The following TMEM168 variants were observed in gnomAD, a reference collection of about 807,000 sequenced individuals.
TMEM168 encodes the protein transmembrane protein 168.
Under a neutral mutation model 53.2 loss-of-function variants are expected in TMEM168, and 40 were observed. That is an observed-to-expected ratio of 0.75 (90% CI 0.58 to 0.98). TMEM168 has a LOEUF of 0.98. Ranked by LOEUF, TMEM168 falls within the 50% of genes least tolerant of loss-of-function variation. TMEM168 has a pLI of 0.00. For missense variants in TMEM168, 771 were observed against 828.8 expected, an observed-to-expected ratio of 0.93 and a Z score of 0.86; for synonymous variants, 282 against 293.0, an observed-to-expected ratio of 0.96 and a Z score of 0.38.
Position 112,763,529 on chromosome 7 carries a change from G to T in TMEM168, c.*3668C>A, listed in dbSNP as rs2116189155. ...GACAGTCTAATAGTTTCCAATACAG[G>T]AGACATTCGAAAGTACTGACAGATC... is the stretch of plus-strand genomic sequence containing the variant. On this transcript the variant is annotated 3_prime_UTR_variant, in exon 5 of 5. Transcript: ENST00000312814. 1 of 152,146 alleles carries T rather than the reference G, an allele frequency of 6.6e-6. No individual in the cohort carries two copies. Among genetic ancestry groups the T allele is most frequent in the African/African-American group, 2.4e-5 (1 of 41,504 alleles). The allele number at this position is 152,146 out of a possible 1,614,324, so 9.4% of individuals were successfully genotyped here. A position where few individuals can be genotyped will look rare whatever the true frequency, so the allele number is the denominator to read the frequency against.
chr7:112,784,607 A>G lies in TMEM168; in HGVS notation c.219T>C (p.Phe73=), dbSNP rs1385619167. 6.2e-7 allele frequency: 1 copy of G among 1,612,298 alleles called. No individual in the cohort carries two copies. The highest frequency in any genetic ancestry group is 1.3e-5 in the African/African-American group (1 of 74,830). ...LILVIFILGL[F]VLGIASILYY... ...AGAGTATGCTGGCGATTCCAAGAACAAAAAGACCAAGAATAAAAATTACCA... is the reference window on the plus strand; with the variant it reads ...AGAGTATGCTGGCGATTCCAAGAACGAAAAGACCAAGAATAAAAATTACCA... The change falls in exon 2 of 5, where the codon TTT becomes TTC. Residue 73 remains phenylalanine (F), a synonymous_variant. Coordinates refer to ENST00000312814, the MANE Select transcript of TMEM168 (RefSeq NM_022484.6).
At chr7:112,774,053 G>A (rs1450944263) in intron 3 of TMEM168, among the ~76,000 whole-genome samples, 2 of 152,040 alleles carry the variant, frequency 1.3e-5, no homozygotes, top group African/African-American at 4.8e-5. Context: ...AGTCTATTTG[G>A]AGATTTTTAT....
In TMEM168 at chr7:112,766,766, AAAG is replaced by A. The variant is rs1411509717; in HGVS notation, c.*428_*430del. ...TTGGATGAAACCTACTGTTTGGAAA[AAAG>A]AATCTTCTGTAAGTAAACTGGTAGT... On this transcript the variant is annotated 3_prime_UTR_variant, in exon 5 of 5. Coordinates refer to ENST00000312814, the MANE Select transcript of TMEM168 (RefSeq NM_022484.6). The A allele has an allele frequency of 6.4e-6, 1 of 155,188 alleles. No individual in the cohort carries two copies. The highest frequency in any genetic ancestry group is 1.4e-5 in the Non-Finnish European group (1 of 69,904). 9.6% of individuals were successfully genotyped at this position (155,188 alleles called of 1,614,324 possible). A position where few individuals can be genotyped will look rare whatever the true frequency, so the allele number is the denominator to read the frequency against.
chr7:112,782,262 C>G (rs571849804), intron 2 of TMEM168, among the ~76,000 whole-genome samples: 1 of 152,240 alleles, frequency 6.6e-6, no homozygotes, highest in East Asian at 1.9e-4. Context: ...TTAAAATTAT[C>G]TCTGCTGACA....
chr7:112,763,892 C>T lies in TMEM168; in HGVS notation c.*3305G>A, dbSNP rs1252127603. 6.6e-6 allele frequency: 1 copy of T among 151,780 alleles called. No individual in the cohort carries two copies. The highest frequency in any genetic ancestry group is 2.4e-5 in the African/African-American group (1 of 41,340). The allele number at this position is 151,780 out of a possible 1,614,324, so 9.4% of individuals were successfully genotyped here. On this transcript the variant is annotated 3_prime_UTR_variant, in exon 5 of 5. Coordinates refer to ENST00000312814, the MANE Select transcript of TMEM168 (RefSeq NM_022484.6). ...AGCATAACTGGTCATAAGAATAATC[C>T]TCTGAAATGCATCTTTTCCAAAGAA...
At chr7:112,780,964 AAC>A (rs1377151238) in intron 2 of TMEM168, among the ~76,000 whole-genome samples, 197 of 150,938 alleles carry the variant, frequency 1.3e-3, no homozygotes, top group African/African-American at 4.7e-3. Flanking sequence ...AAAAAAAAAA[AAC>A]GGGGGCACAG....
Position 112,782,922 on chromosome 7 carries a change from C to A in TMEM168, c.1128+776G>T, listed in dbSNP as rs115490333. ...TCATAATTGTTTGTTTACATGCCAGCCTCTTCCTCCTCCCATTGGAGACTG... is the reference window on the plus strand; with the variant it reads ...TCATAATTGTTTGTTTACATGCCAGACTCTTCCTCCTCCCATTGGAGACTG... On this transcript the variant is annotated intron_variant, in intron 2 of 4. Transcript: ENST00000312814. Among the ~76,000 whole-genome samples, 268 of 152,312 alleles carry A rather than the reference C, an allele frequency of 1.8e-3. 2 individuals carry two copies. The highest frequency in any genetic ancestry group is 6.8e-3 in the Middle Eastern group (2 of 294).
chr7:112,764,485 C>CTTA lies in TMEM168; in HGVS notation c.*2709_*2711dup, dbSNP rs1160452040. 2.0e-4 allele frequency: 30 copies of CTTA among 151,018 alleles called. No homozygotes were observed. Among genetic ancestry groups the CTTA allele is most frequent in the African/African-American group, 6.9e-4 (28 of 40,766 alleles). The allele number at this position is 151,018 out of a possible 1,614,324, so 9.4% of individuals were successfully genotyped here. The stretch of plus-strand genomic sequence containing the variant: ...TCTTGTAATATTTCTTTTCTACACC[C>CTTA]TTATTATTTTTTTTGTTTGTTTCTT... On this transcript the variant is annotated 3_prime_UTR_variant, in exon 5 of 5. Transcript: ENST00000312814.
chr7:112,770,234 TG>T (rs1179682330), intron 4 of TMEM168, among the ~76,000 whole-genome samples: 1 of 152,184 alleles, frequency 6.6e-6, no homozygotes, highest in Non-Finnish European at 1.5e-5. Context: ...CGGGCTTTTC[TG>T]GGCCTGGTTC....
rs746044243 is a variant in TMEM168 at position 112,784,129 on chromosome 7, G to T, written c.697C>A (p.Leu233Met). Residue 233 changes from leucine (L) to methionine (M), a missense_variant, in exon 2 of 5, where the codon CTG (leucine) becomes ATG (methionine). Transcript: ENST00000312814. Reference sequence around the variant, plus strand: ...ATGTCAAGGAAAGGATCAGTTATCAGGCAAATAAAAAAACACGCAAAAGCA... The same window carrying T: ...ATGTCAAGGAAAGGATCAGTTATCATGCAAATAAAAAAACACGCAAAAGCA... ...PIAFACFFICLITDPFLDIYF... is the reference protein window; with the variant it reads ...PIAFACFFICMITDPFLDIYF... 6.2e-7 allele frequency: 1 copy of T among 1,613,864 alleles called. No individual in the cohort carries two copies. The highest frequency in any genetic ancestry group is 8.5e-7 in the Non-Finnish European group (1 of 1,179,970).
chr7:112,777,851 TTGTC>T (rs1322099074), intron 2 of TMEM168, among the ~76,000 whole-genome samples: 1 of 151,604 alleles, frequency 6.6e-6, no homozygotes, highest in Non-Finnish European at 1.5e-5. Context: ...TTTTTTTCTG[TTGTC>T]TGTTGGTTTT....
chr7:112,766,272 T>C lies in TMEM168; in HGVS notation c.*925A>G, dbSNP rs910254279. The C allele has an allele frequency of 5.9e-5, 9 of 152,422 alleles. No homozygotes were observed. Among genetic ancestry groups the C allele is most frequent in the African/African-American group, 2.2e-4 (9 of 41,462 alleles). 9.4% of individuals were successfully genotyped at this position (152,422 alleles called of 1,614,324 possible). On this transcript the variant is annotated 3_prime_UTR_variant, in exon 5 of 5. Coordinates refer to ENST00000312814, the MANE Select transcript of TMEM168 (RefSeq NM_022484.6). ...GACCTTCAGTAGAAAAAAAATGTTATCACTAACAAGGATCAGAAAAATAAT... is the reference window on the plus strand; with the variant it reads ...GACCTTCAGTAGAAAAAAAATGTTACCACTAACAAGGATCAGAAAAATAAT...
At position 112,790,388 on chromosome 7, in the gene TMEM168, A is replaced by T. The variant is rs1314318896; in HGVS notation, c.-357T>A. The stretch of plus-strand genomic sequence containing the variant: ...CGACCGCCATGTTTCCGCCGCCGAA[A>T]TCCGCGACGGTACGGAACGCCGCCG... On this transcript the variant is annotated 5_prime_UTR_variant, in exon 1 of 5. Coordinates refer to ENST00000312814, the MANE Select transcript of TMEM168 (RefSeq NM_022484.6). 6.6e-6 allele frequency: 1 copy of T among 152,242 alleles called. No individual in the cohort carries two copies. The highest frequency in any genetic ancestry group is 1.5e-5 in the Non-Finnish European group (1 of 68,092). The allele number at this position is 152,242 out of a possible 1,614,324, so 9.4% of individuals were successfully genotyped here.
At chr7:112,769,909 G>C (rs1403456648) in intron 4 of TMEM168, among the ~76,000 whole-genome samples, 1 of 152,124 alleles carries the variant, frequency 6.6e-6, no homozygotes, top group African/African-American at 2.4e-5. Context: ...GTGAGTGAAG[G>C]TATGGGATAA....
rs540652078 is a variant in TMEM168 at position 112,786,473 on chromosome 7, T to G, written c.-128-1520A>C. On this transcript the variant is annotated intron_variant, in intron 1 of 4. Coordinates refer to ENST00000312814, the MANE Select transcript of TMEM168 (RefSeq NM_022484.6). ...AGTATTCCAACTGATTTTCCTTAAT[T>G]ACATCTTTATTCACTCATGTCTTAA... 2.0e-5 allele frequency among the ~76,000 whole-genome samples: 3 copies of G among 152,304 alleles called. No individual in the cohort carries two copies. The South Asian group carries it at 6.2e-4, about 32-fold the overall frequency.
rs139945142 is a variant in TMEM168 at position 112,783,982 on chromosome 7, C to T, written c.844G>A (p.Ala282Thr). The change falls in exon 2 of 5, where the codon GCA becomes ACA. Residue 282 changes from alanine (A) to threonine (T), a missense_variant. Transcript: ENST00000312814. Reference sequence around the variant, plus strand: ...AGGTGAGTGTCTCTAAGTTTGAATGCGGAAAGAATAAAAAATGTAAGCTCA... The same window carrying T: ...AGGTGAGTGTCTCTAAGTTTGAATGTGGAAAGAATAAAAAATGTAAGCTCA... The part of the protein sequence containing the change: ...MIELTFFILS[A>T]FKLRDTHLWY... 1.4e-4 allele frequency: 224 copies of T among 1,612,842 alleles called. No individual in the cohort carries two copies. The highest frequency in any genetic ancestry group is 5.4e-4 in the East Asian group (24 of 44,852).
rs1792810480 is a variant in TMEM168 at position 112,767,397 on chromosome 7, C to T, written c.1894G>A (p.Gly632Arg). 2.5e-6 allele frequency: 4 copies of T among 1,614,120 alleles called. No homozygotes were observed. The highest frequency in any genetic ancestry group is 3.4e-6 in the Non-Finnish European group (4 of 1,180,004). Residue 632 changes from glycine to arginine, a missense_variant, in exon 5 of 5, where the codon GGA (glycine) becomes AGA (arginine). Transcript: ENST00000312814. ...ATCCAGTGCTTGGCCACATCGCTTC[C>T]CGTTGGCAAATGCAGAGTGTAGTCA... is the stretch of plus-strand genomic sequence containing the variant. ...WSDYTLHLPTGSDVAKHWMLH... is the reference protein window; with the variant it reads ...WSDYTLHLPTRSDVAKHWMLH...
chr7:112,767,329 T>C lies in TMEM168; in HGVS notation c.1962A>G (p.Ala654=). The C allele has an allele frequency of 6.2e-7, 1 of 1,614,162 alleles. No individual in the cohort carries two copies. The highest frequency in any genetic ancestry group is 8.5e-7 in the Non-Finnish European group (1 of 1,179,996). ...PRITYPLVHL[A]NWLCGLNLFW... ...AAAGGTTCAGACCGCATAACCAATT[T>C]GCCAAATGCACTAGGGGATATGTAA... The change falls in exon 5 of 5, where the codon GCA becomes GCG. Residue 654 remains alanine, a synonymous_variant. Coordinates refer to ENST00000312814, the MANE Select transcript of TMEM168 (RefSeq NM_022484.6).
At chr7:112,774,355 T>C (rs1258548435) in intron 3 of TMEM168, among the ~76,000 whole-genome samples, 1 of 150,932 alleles carries the variant, frequency 6.6e-6, no homozygotes, top group Non-Finnish European at 1.5e-5. Context: ...CAGAGTGTTT[T>C]TACATTTTTT....
Sources: allele counts gnomAD v4.1 joint callset (sites outside exome capture counted in the v4.1 genomes callset), GRCh38; gene constraint gnomAD v4.1.1; transcripts MANE v1.5; gene names NCBI Gene and HGNC (gene_info 2026-07-23, HGNC 2026-07-21).